The following SNTB2 variants were observed in gnomAD, a reference collection of about 807,000 sequenced individuals.
The protein encoded by SNTB2 is beta-2-syntrophin.
Under a neutral mutation model 46.2 loss-of-function variants are expected in SNTB2, and 34 were observed. The ratio of observed to expected loss-of-function variants is 0.74; its 90% CI spans 0.56 to 0.98. SNTB2 has a LOEUF of 0.98. SNTB2 is among the 50% of genes least tolerant of loss of function. The pLI, the probability that SNTB2 is intolerant of heterozygous loss-of-function variation, is 0.00. For missense variants in SNTB2, 603 were observed against 731.4 expected (o/e 0.82, Z 2.02); for synonymous variants, 290 against 312.6 (o/e 0.93, Z 0.76).
intron 1 of SNTB2, among the ~76,000 whole-genome samples, chr16:69,205,281 C>T (rs1964203675): frequency 6.7e-6 from 1 of 150,146 alleles, no homozygotes; most frequent in Non-Finnish European, 1.5e-5. Context: ...TTCCAAGTAG[C>T]TAGGACTACA....
rs148877407 is a variant in SNTB2 at position 69,242,848 on chromosome 16, C to T, written c.581-2754C>T. Among the ~76,000 whole-genome samples, 147 of 152,006 alleles carry T rather than the reference C, an allele frequency of 9.7e-4. 1 individual carries two copies. Among genetic ancestry groups the T allele is most frequent in the African/African-American group, 3.4e-3 (142 of 41,494 alleles). On this transcript the variant is annotated intron_variant, in intron 1 of 6. Transcript: ENST00000336278. ...CATCCTGGCTAGCACGGTGAAACCCCGTCTCTACTAAAAATACAAAAAATT... is the reference window on the plus strand; with the variant it reads ...CATCCTGGCTAGCACGGTGAAACCCTGTCTCTACTAAAAATACAAAAAATT...
intron 3 of SNTB2, among the ~76,000 whole-genome samples, chr16:69,260,701 G>T (rs1038392249): frequency 5.9e-5 from 9 of 152,200 alleles, no homozygotes; most frequent in Admixed American, 1.3e-4. Context: ...TATTTACAAA[G>T]ACAAGTAAAC....
At chr16:69,256,317 G>A (rs1415584794) in intron 2 of SNTB2, among the ~76,000 whole-genome samples, 1 of 152,044 alleles carries the variant, frequency 6.6e-6, no homozygotes, top group Non-Finnish European at 1.5e-5. Flanking sequence ...CACTGTACTT[G>A]GCCTAATTTT....
chr16:69,284,870 T>C (rs956234664), intron 5 of SNTB2, among the ~76,000 whole-genome samples: 1 of 151,618 alleles, frequency 6.6e-6, no homozygotes, highest in African/African-American at 2.4e-5. Context: ...ATCATACCAC[T>C]GCACTCCAGC....
At chr16:69,250,988 TTTTTTTTTGAGACGGAG>T (rs1964719860) in intron 2 of SNTB2, among the ~76,000 whole-genome samples, 2 of 150,960 alleles carry the variant, frequency 1.3e-5, no homozygotes, top group South Asian at 4.2e-4. Flanking sequence ...TCTGTTTTTT[TTTTTTTTTGAGACGGAG>T]TCTCGCTCTG....
intron 4 of SNTB2, among the ~76,000 whole-genome samples, chr16:69,272,503 G>A (rs1443898383): frequency 1.4e-5 from 2 of 146,076 alleles, no homozygotes; most frequent in African/African-American, 2.6e-5. Flanking sequence ...TTGCACCACG[G>A]CACTCCAGCC....
rs1460254414 is a variant in SNTB2, at chr16:69,303,399, CA to C, written c.*2476del. ...TGAAAAGCTAAGCCACTGAGATTTG[CA>C]GGGGAGCTTCTGAGCCACCCTGCTT... On this transcript the variant is annotated 3_prime_UTR_variant, in exon 7 of 7. Transcript: ENST00000336278. 1 of 152,138 alleles carries C rather than the reference CA, an allele frequency of 6.6e-6. No homozygotes were observed. The highest frequency in any genetic ancestry group is 2.4e-5 in the African/African-American group (1 of 41,414). The allele number at this position is 152,138 out of a possible 1,614,324, so 9.4% of individuals were successfully genotyped here.
chr16:69,217,247 G>A (rs968710625), intron 1 of SNTB2, among the ~76,000 whole-genome samples: 12 of 152,110 alleles, frequency 7.9e-5, no homozygotes, highest in African/African-American at 2.9e-4. Context: ...GCCGAGGTGG[G>A]CAGATTACTT....
chr16:69,214,654 G>A (rs1017068260), intron 1 of SNTB2, among the ~76,000 whole-genome samples: 3 of 151,384 alleles, frequency 2.0e-5, no homozygotes, highest in African/African-American at 7.3e-5. Flanking sequence ...AGCCTCCTGA[G>A]TAGCTGGGAT....
intron 1 of SNTB2, among the ~76,000 whole-genome samples, chr16:69,227,179 A>G (rs1964467286): frequency 6.6e-6 from 1 of 152,220 alleles, no homozygotes; most frequent in Non-Finnish European, 1.5e-5. Context: ...TGAGAATTTC[A>G]CTAGGACAGA....
chr16:69,255,089 A>T (rs1025964090), intron 2 of SNTB2, among the ~76,000 whole-genome samples: 4 of 151,762 alleles, frequency 2.6e-5, no homozygotes, highest in Non-Finnish European at 1.5e-5. Flanking sequence ...TTTTATTATT[A>T]TTTTTATTTT....
At chr16:69,201,843 C>T (rs1855545552) in intron 1 of SNTB2, among the ~76,000 whole-genome samples, 2 of 151,740 alleles carry the variant, frequency 1.3e-5, no homozygotes, top group Admixed American at 1.3e-4. Flanking sequence ...TTTTGAGTGC[C>T]TCTAAAATTG....
At chr16:69,273,928 T>G (rs1008868420) in intron 4 of SNTB2, among the ~76,000 whole-genome samples, 1 of 152,192 alleles carries the variant, frequency 6.6e-6, no homozygotes, top group African/African-American at 2.4e-5. Context: ...GAATGGTGCC[T>G]GACACATTGT....
intron 2 of SNTB2, among the ~76,000 whole-genome samples, chr16:69,258,742 G>C (rs1165682010): frequency 6.6e-6 from 1 of 151,036 alleles, no homozygotes; most frequent in African/African-American, 2.4e-5. Context: ...CTCCTCAGTA[G>C]CTGGGATTAC....
intron 1 of SNTB2, 27 bp downstream of exon 1, chr16:69,187,773 GCA>G: frequency 1.8e-5 from 6 of 331,856 alleles, no homozygotes; most frequent in Non-Finnish European, 3.3e-5. Flanking sequence ...GGGAGGGTGG[GCA>G]GGCCGCGGCG....
chr16:69,248,273 T>C (rs1964690073), intron 2 of SNTB2, among the ~76,000 whole-genome samples: 1 of 152,254 alleles, frequency 6.6e-6, no homozygotes, highest in African/African-American at 2.4e-5. Context: ...GTTGTGTGTA[T>C]GTTGAATCAT....
chr16:69,301,681 TC>T lies in SNTB2; in HGVS notation c.*759del, dbSNP rs1257256650. ...AAAAGTTTTGCTTGGTTTAGGTTTTTCCAATTTTATTTTTGTTAGGAGCCAG... is the reference window on the plus strand; with the variant it reads ...AAAAGTTTTGCTTGGTTTAGGTTTTTCAATTTTATTTTTGTTAGGAGCCAG... On this transcript the variant is annotated 3_prime_UTR_variant, in exon 7 of 7. Coordinates refer to ENST00000336278, the MANE Select transcript of SNTB2 (RefSeq NM_006750.4). 2.6e-5 allele frequency: 4 copies of T among 152,678 alleles called. No individual in the cohort carries two copies. Among genetic ancestry groups the T allele is most frequent in the African/African-American group, 9.6e-5 (4 of 41,466 alleles). The allele number at this position is 152,678 out of a possible 1,614,324, so 9.5% of individuals were successfully genotyped here. A position where few individuals can be genotyped will look rare whatever the true frequency, so the allele number is the denominator to read the frequency against.
intron 4 of SNTB2, among the ~76,000 whole-genome samples, chr16:69,274,594 A>G (rs1964969031): frequency 6.7e-6 from 1 of 150,292 alleles, no homozygotes; most frequent in South Asian, 2.1e-4. Flanking sequence ...CAGAGCTCGC[A>G]GTGAGCCAAG....
rs1013436620 is a variant in SNTB2 at position 69,302,250 on chromosome 16, A to G, written c.*1326A>G. ...GCAAGAATGCTGATTTTGTAGTGTT[A>G]GAAAATGAACTCAGCTTGTTTTTCC... On this transcript the variant is annotated 3_prime_UTR_variant, in exon 7 of 7. Coordinates refer to ENST00000336278, the MANE Select transcript of SNTB2 (RefSeq NM_006750.4). 1.3e-5 allele frequency: 2 copies of G among 152,250 alleles called. No individual in the cohort carries two copies. The highest frequency in any genetic ancestry group is 2.9e-5 in the Non-Finnish European group (2 of 68,044). 9.4% of individuals were successfully genotyped at this position (152,250 alleles called of 1,614,324 possible). A position where few individuals can be genotyped will look rare whatever the true frequency, so the allele number is the denominator to read the frequency against.
Sources: gnomAD v4.1 joint callset for allele counts (sites outside exome capture counted in the v4.1 genomes callset) on GRCh38, gnomAD v4.1.1 for gene constraint, MANE v1.5 for transcripts, NCBI Gene and HGNC (gene_info 2026-07-23, HGNC 2026-07-21) for gene names.